ACYP2: variants seen among roughly 807,000 people sequenced by gnomAD.
ACYP2 encodes the protein acylphosphatase-2.
In ACYP2, 12 loss-of-function variants were observed where a neutral mutation model predicts 11.2. That is an observed-to-expected ratio of 1.08 (90% CI 0.69 to 1.74). ACYP2 has a LOEUF of 1.74. Ranked by LOEUF, ACYP2 falls within the 40% of genes most tolerant of loss-of-function variation. ACYP2 has a pLI of 0.00. For synonymous variants in ACYP2, 43 were observed against 32.2 expected, an observed-to-expected ratio of 1.33 and a Z score of -1.13; for missense variants, 134 against 101.9, an observed-to-expected ratio of 1.31 and a Z score of -1.35.
At chr2:53,974,916 G>T (rs1671393627) in intron 2 of ACYP2, among the ~76,000 whole-genome samples, 1 of 152,152 alleles carries the variant, frequency 6.6e-6, no homozygotes, top group African/African-American at 2.4e-5. Flanking sequence ...AAGGAGAAGA[G>T]AGATGTCAAG....
At chr2:54,282,853 G>T (rs1231632221) in intron 6 of ACYP2, among the ~76,000 whole-genome samples, 1 of 152,106 alleles carries the variant, frequency 6.6e-6, no homozygotes, top group African/African-American at 2.4e-5. Flanking sequence ...GCACAGGAAA[G>T]GTGTGAAAGA....
intron 6 of ACYP2, among the ~76,000 whole-genome samples, chr2:54,238,341 C>G (rs1686588192): frequency 6.6e-6 from 1 of 152,086 alleles, no homozygotes; most frequent in Admixed American, 6.5e-5. Context: ...CAGTTGTATC[C>G]CATCCCCTGG....
intron 6 of ACYP2, among the ~76,000 whole-genome samples, chr2:54,280,982 T>C (rs1429262421): frequency 6.6e-6 from 1 of 152,148 alleles, no homozygotes; most frequent in East Asian, 1.9e-4. Flanking sequence ...AAAGGAAACA[T>C]CACCAAGAAG....
At chr2:54,074,405 C>T (rs1677217841) in intron 4 of ACYP2, among the ~76,000 whole-genome samples, 1 of 152,004 alleles carries the variant, frequency 6.6e-6, no homozygotes, top group Admixed American at 6.6e-5. Flanking sequence ...CGAGACCAAC[C>T]TGGACAATAC....
rs576283482 is a variant in ACYP2, at chr2:54,240,954, G to T, written c.405-63734G>T. On this transcript the variant is annotated intron_variant, in intron 6 of 6. Transcript: ENST00000607452. ...GAGATGAATGTCTGTTCTCATTGAG[G>T]TAATGAGGTTTTCTACCACTTTATT... Among the ~76,000 whole-genome samples the T allele has an allele frequency of 2.6e-5, 4 of 152,282 alleles. No homozygotes were observed. The South Asian group carries it at 8.3e-4, about 32-fold the overall frequency.
At chr2:54,254,940 G>C (rs1252184291) in intron 6 of ACYP2, 2 of 1,611,512 alleles carry the variant, frequency 1.2e-6, no homozygotes, top group East Asian at 4.5e-5. Context: ...GGAACCCAAA[G>C]GGCCTGGGGA....
At chr2:54,197,718 A>G (rs1684550459) in intron 6 of ACYP2, among the ~76,000 whole-genome samples, 1 of 152,082 alleles carries the variant, frequency 6.6e-6, no homozygotes, top group South Asian at 2.1e-4. Flanking sequence ...ATTTTCTTTG[A>G]GGAATAAGTA....
intron 4 of ACYP2, among the ~76,000 whole-genome samples, chr2:54,099,054 C>G (rs1373129791): frequency 6.6e-6 from 1 of 152,170 alleles, no homozygotes; most frequent in African/African-American, 2.4e-5. Context: ...CTTAGAACCT[C>G]TATTTGGTGT....
chr2:53,986,240 C>T (rs796956220), intron 2 of ACYP2, among the ~76,000 whole-genome samples: 1 of 152,204 alleles, frequency 6.6e-6, no homozygotes, highest in African/African-American at 2.4e-5. Flanking sequence ...GTCTCTTCTT[C>T]CCCTTCCACC....
At chr2:53,976,587 A>C (rs1671505591) in intron 2 of ACYP2, among the ~76,000 whole-genome samples, 1 of 152,202 alleles carries the variant, frequency 6.6e-6, no homozygotes, top group Non-Finnish European at 1.5e-5. Flanking sequence ...GCTGAATTGC[A>C]GTTATTAGAG....
At chr2:54,234,171 C>T (rs1686369252) in intron 6 of ACYP2, among the ~76,000 whole-genome samples, 1 of 152,092 alleles carries the variant, frequency 6.6e-6, no homozygotes, top group Admixed American at 6.5e-5. Context: ...GGAGAAGGAC[C>T]CCCTGTTGAA....
At chr2:54,234,233 A>T (rs576641431) in intron 6 of ACYP2, among the ~76,000 whole-genome samples, 3 of 152,334 alleles carry the variant, frequency 2.0e-5, no homozygotes, top group African/African-American at 7.2e-5. Context: ...AAACACTCTC[A>T]TTGTAAACGG....
chr2:54,130,050 G>C (rs1680808774), intron 4 of ACYP2, among the ~76,000 whole-genome samples: 1 of 151,898 alleles, frequency 6.6e-6, no homozygotes, highest in Non-Finnish European at 1.5e-5. Flanking sequence ...CTAGGTGTTG[G>C]GGACACAGTG....
intron 6 of ACYP2, among the ~76,000 whole-genome samples, chr2:54,280,625 G>T (rs946829664): frequency 6.6e-6 from 1 of 152,178 alleles, no homozygotes; most frequent in East Asian, 1.9e-4. Flanking sequence ...CCCAAAAGCC[G>T]TGGGCAGAGA....
At chr2:54,186,310 T>G (rs979718272) in intron 6 of ACYP2, among the ~76,000 whole-genome samples, 1 of 152,170 alleles carries the variant, frequency 6.6e-6, no homozygotes, top group Non-Finnish European at 1.5e-5. Context: ...GGGAAGTATA[T>G]AGAGAAATAG....
At chr2:54,155,903 TA>T (rs1442501490) in intron 6 of ACYP2, among the ~76,000 whole-genome samples, 1 of 152,250 alleles carries the variant, frequency 6.6e-6, no homozygotes, top group Non-Finnish European at 1.5e-5. Flanking sequence ...CCTAGTTTCA[TA>T]GCATTATTAT....
chr2:54,079,274 G>A (rs1677518507), intron 4 of ACYP2, among the ~76,000 whole-genome samples: 1 of 152,200 alleles, frequency 6.6e-6, no homozygotes, highest in Non-Finnish European at 1.5e-5. Flanking sequence ...CTGTGTACCA[G>A]CCAGGAGACT....
chr2:54,155,224 T>A (rs1255653902), intron 6 of ACYP2, among the ~76,000 whole-genome samples: 2 of 152,170 alleles, frequency 1.3e-5, no homozygotes, highest in Non-Finnish European at 2.9e-5. Flanking sequence ...GTCGATTTTG[T>A]TTATCTTTTC....
At chr2:53,973,569 C>G (rs1170299332) in intron 1 of ACYP2, 4 of 195,682 alleles carry the variant, frequency 2.0e-5, no homozygotes, top group Non-Finnish European at 3.1e-5. Flanking sequence ...TAAGAAGGTT[C>G]TTTGTATTTC....
Sources: allele counts gnomAD v4.1 joint callset (sites outside exome capture counted in the v4.1 genomes callset), GRCh38; gene constraint gnomAD v4.1.1; transcripts MANE v1.5; gene names NCBI Gene and HGNC (gene_info 2026-07-23, HGNC 2026-07-21).